Variants in C7orf33 observed in about 807,000 individuals in gnomAD.
C7orf33 encodes chromosome 7 open reading frame 33.
C7orf33 carries 15 observed loss-of-function variants against 13.4 expected under a neutral mutation model. The ratio of observed to expected loss-of-function variants is 1.12; its 90% CI spans 0.75 to 1.72. The LOEUF is 1.72. Ranked by LOEUF, C7orf33 falls within the 40% of genes most tolerant of loss-of-function variation. The pLI is 0.00. For synonymous variants in C7orf33, 73 were observed against 83.2 expected, an observed-to-expected ratio of 0.88 and a Z score of 0.67; for missense variants, 187 against 220.3, an observed-to-expected ratio of 0.85 and a Z score of 0.96.
chr7:148,603,284 A>G (rs1048711327), intron 1 of C7orf33, among the ~76,000 whole-genome samples: 2 of 152,090 alleles, frequency 1.3e-5, no homozygotes, highest in African/African-American at 4.8e-5. Context: ...TCTGGCTACT[A>G]AAGAATCAAA....
At chr7:148,599,986 G>C (rs968011808) in intron 1 of C7orf33, among the ~76,000 whole-genome samples, 1 of 152,174 alleles carries the variant, frequency 6.6e-6, no homozygotes, top group Non-Finnish European at 1.5e-5. Context: ...GGGAGGACAG[G>C]CTGCGTGTAG....
At chr7:148,602,145 T>C (rs1796423648) in intron 1 of C7orf33, among the ~76,000 whole-genome samples, 1 of 152,224 alleles carries the variant, frequency 6.6e-6, no homozygotes, top group African/African-American at 2.4e-5. Flanking sequence ...ATTAAAATTA[T>C]ATGATTTTTC....
chr7:148,598,761 TATAGAGAGAGAGAGAG>T (rs1344889812), intron 1 of C7orf33, among the ~76,000 whole-genome samples: 90 of 27,488 alleles, frequency 3.3e-3, no homozygotes, highest in South Asian at 5.8e-3. Flanking sequence ...TATATATATA[TATAGAGAGAGAGAGAG>T]AGAGAGAGAG....
intron 1 of C7orf33, among the ~76,000 whole-genome samples, chr7:148,606,922 T>TA (rs1015779620): frequency 3.2e-4 from 14 of 43,854 alleles, no homozygotes; most frequent in East Asian, 1.5e-3. Context: ...AGACCCCATT[T>TA]AAAAAAAAAA....
At chr7:148,594,456 G>A (rs928629123) in intron 1 of C7orf33, among the ~76,000 whole-genome samples, 1 of 152,116 alleles carries the variant, frequency 6.6e-6, no homozygotes, top group African/African-American at 2.4e-5. Context: ...GATTACAGGC[G>A]TGAACCACCG....
intron 1 of C7orf33, among the ~76,000 whole-genome samples, chr7:148,606,205 G>A (rs905462834): frequency 3.3e-5 from 5 of 152,162 alleles, no homozygotes; most frequent in Admixed American, 1.3e-4. Context: ...TTTTTAGACA[G>A]TTACACTTTT....
chr7:148,609,526 C>T (rs1447996678), intron 1 of C7orf33, among the ~76,000 whole-genome samples: 1 of 152,178 alleles, frequency 6.6e-6, no homozygotes, highest in African/African-American at 2.4e-5. Context: ...ATTTTCAAAT[C>T]CCAGCCCACA....
At chr7:148,598,808 A>G (rs967137353) in intron 1 of C7orf33, among the ~76,000 whole-genome samples, 170 of 128,178 alleles carry the variant, frequency 1.3e-3, no homozygotes, top group African/African-American at 5.0e-3. Context: ...AGAGAGAGAG[A>G]GAGAGAGAAT....
Position 148,590,906 on chromosome 7 carries a change from A to G in C7orf33, c.-20A>G. The stretch of plus-strand genomic sequence containing the variant: ...CGCTCTCCTTGACAGCATCCAGGAA[A>G]GGTAATTACCTTTGCCAAAATGCAA... On this transcript the variant is annotated 5_prime_UTR_variant, in exon 1 of 3. Coordinates refer to ENST00000307003, the MANE Select transcript of C7orf33 (RefSeq NM_145304.4). 6.8e-6 allele frequency: 11 copies of G among 1,611,294 alleles called. No homozygotes were observed. The highest frequency in any genetic ancestry group is 9.3e-6 in the Non-Finnish European group (11 of 1,177,482).
chr7:148,596,290 C>A (rs1397527253), intron 1 of C7orf33, among the ~76,000 whole-genome samples: 1 of 152,132 alleles, frequency 6.6e-6, no homozygotes, highest in East Asian at 1.9e-4. Flanking sequence ...AACTGATGAA[C>A]CAACATTGAT....
intron 1 of C7orf33, among the ~76,000 whole-genome samples, chr7:148,595,587 A>G (rs1174052023): frequency 7.6e-6 from 1 of 131,234 alleles, no homozygotes; most frequent in African/African-American, 3.1e-5. Flanking sequence ...ATATAGATCT[A>G]TATTATATAG....
At chr7:148,598,662 A>C (rs1430246144) in intron 1 of C7orf33, among the ~76,000 whole-genome samples, 2 of 143,062 alleles carry the variant, frequency 1.4e-5, no homozygotes, top group African/African-American at 2.6e-5. Flanking sequence ...CTCTCTATAT[A>C]TATATACACA....
At chr7:148,607,305 C>G (rs961602430) in intron 1 of C7orf33, among the ~76,000 whole-genome samples, 11 of 152,120 alleles carry the variant, frequency 7.2e-5, no homozygotes, top group African/African-American at 2.2e-4. Flanking sequence ...TTTGTTCTCC[C>G]TGGTAAAAGA....
intron 1 of C7orf33, among the ~76,000 whole-genome samples, chr7:148,594,456 G>C (rs928629123): frequency 6.6e-6 from 1 of 152,116 alleles, no homozygotes; most frequent in Non-Finnish European, 1.5e-5. Context: ...GATTACAGGC[G>C]TGAACCACCG....
intron 1 of C7orf33, among the ~76,000 whole-genome samples, chr7:148,593,172 G>A (rs1022783604): frequency 1.3e-5 from 2 of 152,150 alleles, no homozygotes; most frequent in African/African-American, 4.8e-5. Flanking sequence ...ATCACTGGAA[G>A]ATACAGCAAA....
Position 148,609,601 on chromosome 7 carries a change from C to T in C7orf33, c.205-4441C>T, listed in dbSNP as rs115948123. Among the ~76,000 whole-genome samples the T allele has an allele frequency of 5.6e-3, 850 of 152,280 alleles. 11 individuals are homozygous for T. The highest frequency in any genetic ancestry group is 0.019 in the African/African-American group (802 of 41,562). ...CTAGGTGTAAAGTGGCTGCCAATAACAACTGGACTTTCTCTCTAAGGAGGG... is the reference window on the plus strand; with the variant it reads ...CTAGGTGTAAAGTGGCTGCCAATAATAACTGGACTTTCTCTCTAAGGAGGG... On this transcript the variant is annotated intron_variant, in intron 1 of 2. Coordinates refer to ENST00000307003, the MANE Select transcript of C7orf33 (RefSeq NM_145304.4).
At chr7:148,601,885 C>T (rs1310700658) in intron 1 of C7orf33, among the ~76,000 whole-genome samples, 2 of 152,050 alleles carry the variant, frequency 1.3e-5, no homozygotes, top group African/African-American at 4.8e-5. Context: ...GTAGCTACGA[C>T]TTCAGGCACA....
intron 1 of C7orf33, among the ~76,000 whole-genome samples, chr7:148,597,408 A>G (rs1436666239): frequency 6.6e-6 from 1 of 151,900 alleles, no homozygotes; most frequent in Non-Finnish European, 1.5e-5. Context: ...CAGCCTCCCA[A>G]GTAGCTGGGA....
At chr7:148,602,295 T>C (rs1276774209) in intron 1 of C7orf33, among the ~76,000 whole-genome samples, 1 of 152,080 alleles carries the variant, frequency 6.6e-6, no homozygotes, top group South Asian at 2.1e-4. Flanking sequence ...ATCTCTAAGA[T>C]TGATAATAAT....
Sources: gnomAD v4.1 joint callset for allele counts (sites outside exome capture counted in the v4.1 genomes callset) on GRCh38, gnomAD v4.1.1 for gene constraint, MANE v1.5 for transcripts, NCBI Gene and HGNC (gene_info 2026-07-23, HGNC 2026-07-21) for gene names.